Variants in TROAP observed in about 807,000 individuals in gnomAD.
TROAP encodes the protein trophinin associated protein.
A neutral mutation model predicts 83.4 loss-of-function variants in TROAP; 62 were observed. The observed-to-expected ratio is 0.74, with a 90% CI of 0.61 to 0.92. The LOEUF is 0.92. Ranked by LOEUF, TROAP falls within the 40% of genes least tolerant of loss-of-function variation. TROAP has a pLI of 0.00. For synonymous variants in TROAP, 352 were observed against 386.4 expected (o/e 0.91, Z 1.04); for missense variants, 876 against 985.1 (o/e 0.89, Z 1.48).
rs1222066630 is a variant in TROAP, at chr12:49,330,485, C to A, written c.1640C>A (p.Pro547His). The A allele has an allele frequency of 6.2e-7, 1 of 1,613,708 alleles. No individual in the cohort carries two copies. The highest frequency in any genetic ancestry group is 1.7e-5 in the Admixed American group (1 of 60,026). Residue 547 changes from proline to histidine, a missense_variant, in exon 13 of 15, where the codon CCC (proline) becomes CAC (histidine). Pro to His is a moderately conservative substitution (Grantham distance 77). Coordinates refer to ENST00000257909, the MANE Select transcript of TROAP (RefSeq NM_005480.4). ...CAGGAACAGCTTGAAGTACCAGAGC[C>A]CTACCCTCCAGCAGAACCCAGGCCC... ...SLQEQLEVPE[P>H]YPPAEPRPLE... is the part of the protein sequence containing the mutation.
chr12:49,329,190 C>T lies in TROAP; in HGVS notation c.1050C>T (p.Thr350=), dbSNP rs192574036. The change falls in exon 10 of 15, where the codon ACC becomes ACT. Residue 350 remains threonine (T), a synonymous_variant. Coordinates refer to ENST00000257909, the MANE Select transcript of TROAP (RefSeq NM_005480.4). This position sits in a 1 kb window ranked among gnomAD's most constrained non-coding sequence, Gnocchi z 4.5. ...CATATTCAGTGTTGCGGCGTCTCAC[C>T]GTTCAACCTAAAACCCGGTTCACAC... ...LTSYSVLRRL[T]VQPKTRFTPM... is the part of the protein sequence containing the mutation. 3.7e-5 allele frequency: 59 copies of T among 1,614,130 alleles called. No homozygotes were observed. The highest frequency in any genetic ancestry group is 4.6e-5 in the Non-Finnish European group (54 of 1,180,038).
In TROAP at chr12:49,329,064, C is replaced by A. The variant is rs769957841; in HGVS notation, c.1020+9C>A. 1.9e-6 allele frequency: 3 copies of A among 1,612,098 alleles called. No homozygotes were observed. Among genetic ancestry groups the A allele is most frequent in the Non-Finnish European group, 1.7e-6 (2 of 1,178,558 alleles). ...CAGGCCCTCCAACTCTGGTTTGTGT[C>A]AACAACTGGGGGCTGGGCAGGGGCA... is the stretch of plus-strand genomic sequence containing the variant. On this transcript the variant is annotated intron_variant, in intron 9 of 14. Transcript: ENST00000257909. This position sits in a 1 kb window ranked among gnomAD's most constrained non-coding sequence, Gnocchi z 4.5.
In TROAP at chr12:49,323,617, C is replaced by A. The variant is rs1943436824; in HGVS notation, c.9C>A (p.Thr3=). ...TCTCAATTGTAGCCATCATGACCACCCGGCAAGCCACGAAGGATCCCCTCC... is the reference window on the plus strand; with the variant it reads ...TCTCAATTGTAGCCATCATGACCACACGGCAAGCCACGAAGGATCCCCTCC... The part of the protein sequence containing the change: MT[T]RQATKDPLLR... The change falls in exon 2 of 15, where the codon ACC becomes ACA. Residue 3 remains threonine, a synonymous_variant. Transcript: ENST00000257909. The A allele has an allele frequency of 6.2e-7, 1 of 1,613,786 alleles. No individual in the cohort carries two copies. The highest frequency in any genetic ancestry group is 8.5e-7 in the Non-Finnish European group (1 of 1,179,932).
In TROAP at chr12:49,329,147, A is replaced by G. The variant is rs201015339; in HGVS notation, c.1021-14A>G. On this transcript the variant is annotated splice_polypyrimidine_tract_variant and intron_variant, in intron 9 of 14. Coordinates refer to ENST00000257909, the MANE Select transcript of TROAP (RefSeq NM_005480.4). This position sits in a 1 kb window ranked among gnomAD's most constrained non-coding sequence, Gnocchi z 4.5. ...GGGTTTTGTCCCTGCTCAGCCACCC[A>G]CATCTCTCCCCAGACCTCATATTCA... The G allele has an allele frequency of 1.9e-5, 31 of 1,614,094 alleles. No individual in the cohort carries two copies. In the African/African-American group the frequency reaches 3.7e-4, roughly 19 times the overall value.
intron 3 of TROAP, chr12:49,324,441 T>C: frequency 2.4e-6 from 1 of 417,946 alleles, no homozygotes; most frequent in South Asian, 5.0e-5. Flanking sequence ...CTCCTAATAC[T>C]TTGCAGCACT....
At chr12:49,328,380 C>T (rs903417309) in intron 8 of TROAP, among the ~76,000 whole-genome samples, 2 of 151,978 alleles carry the variant, frequency 1.3e-5, no homozygotes, top group African/African-American at 4.8e-5. Flanking sequence ...TGCACCACCA[C>T]GCCTGGCTAA....
In TROAP at chr12:49,327,252, A is replaced by G; in HGVS notation, c.813A>G (p.Ser271=). Residue 271 remains serine, a synonymous_variant, in exon 8 of 15, where the codon TCA becomes TCG. Coordinates refer to ENST00000257909, the MANE Select transcript of TROAP (RefSeq NM_005480.4). ...PKGEREVVTH[S]DEGGVASLGL... ...GAGAACGCGAGGTTGTCACTCACTC[A>G]GATGAAGGAGGTGTGGCCTCTCTTG... is the stretch of plus-strand genomic sequence containing the variant. 1 of 1,614,228 alleles carries G rather than the reference A, an allele frequency of 6.2e-7. No homozygotes were observed. The highest frequency in any genetic ancestry group is 8.5e-7 in the Non-Finnish European group (1 of 1,180,036).
At position 49,330,255 on chromosome 12, in the gene TROAP, C is replaced by T. The variant is rs780956994; in HGVS notation, c.1410C>T (p.Pro470=). The T allele has an allele frequency of 6.2e-7, 1 of 1,614,106 alleles. No homozygotes were observed. The highest frequency in any genetic ancestry group is 1.7e-5 in the Admixed American group (1 of 60,018). ...GSSLDMVELQ[P]LLTEISRTLN... ...CTCTGGATATGGTTGAACTTCAGCC[C>T]CTGCTGACTGAGATTTCTAGAACTC... The change falls in exon 13 of 15, where the codon CCC becomes CCT. Residue 470 remains proline (P), a synonymous_variant. Transcript: ENST00000257909.
rs374463047 is a variant in TROAP at position 49,326,736 on chromosome 12, G to A, written c.769+16G>A. ...GTCCAGCCTGGTAAGTGTTTCTGGC[G>A]TGGGGAGAGAACAGGGGCAGTTGGG... is the stretch of plus-strand genomic sequence containing the variant. On this transcript the variant is annotated intron_variant, in intron 7 of 14. Coordinates refer to ENST00000257909, the MANE Select transcript of TROAP (RefSeq NM_005480.4). 124 of 1,558,596 alleles carry A rather than the reference G, an allele frequency of 8.0e-5. No homozygotes were observed. The highest frequency in any genetic ancestry group is 7.6e-4 in the African/African-American group (56 of 73,372).
rs1473698122 is a variant in TROAP, at chr12:49,330,176, A to G, written c.1331A>G (p.Gln444Arg). The change falls in exon 13 of 15, where the codon CAG becomes CGG. Residue 444 changes from glutamine (Q) to arginine (R), a missense_variant. Around this residue, in one of 3 missense-constraint regions of TROAP, gnomAD observed 689 missense variants for 722.6 expected, o/e 0.95. Transcript: ENST00000257909. ...RIGILQQLLRQEVEGLVGGQC... is the reference protein window; with the variant it reads ...RIGILQQLLRREVEGLVGGQC... Reference sequence around the variant, plus strand: ...GGTATCCTGCAACAGCTGTTGAGACAGGAAGTAGAGGGGCTGGTAGGGGGC... The same window carrying G: ...GGTATCCTGCAACAGCTGTTGAGACGGGAAGTAGAGGGGCTGGTAGGGGGC... 3.1e-6 allele frequency: 5 copies of G among 1,613,868 alleles called. No homozygotes were observed. Among genetic ancestry groups the G allele is most frequent in the Non-Finnish European group, 4.2e-6 (5 of 1,179,914 alleles).
intron 14 of TROAP, 78 bp downstream of exon 14, chr12:49,331,485 C>T (rs1943583051): frequency 6.2e-7 from 1 of 1,611,444 alleles, no homozygotes; most frequent in Non-Finnish European, 8.5e-7. Flanking sequence ...CAGGGGGCCA[C>T]CTGGGCTTCT....
At chr12:49,328,803 G>T in intron 8 of TROAP, 124 bp from the exon 9 acceptor site, 2 of 1,332,798 alleles carry the variant, frequency 1.5e-6, no homozygotes, top group Admixed American at 5.3e-5. Flanking sequence ...TGCGGAGCTT[G>T]CAGTGAGCCA....
chr12:49,324,473 C>G (rs1741600584), intron 3 of TROAP: 1 of 331,962 alleles, frequency 3.0e-6, no homozygotes, highest in Admixed American at 4.4e-5. Flanking sequence ...ATGTATATAC[C>G]TTGGCTTGAG....
rs1256554453 is a variant in TROAP, at chr12:49,325,885, G to A, written c.633+1G>A. 4 of 1,612,634 alleles carry A rather than the reference G, an allele frequency of 2.5e-6. No homozygotes were observed. Among genetic ancestry groups the A allele is most frequent in the South Asian group, 1.1e-5 (1 of 90,990 alleles). On this transcript the variant is annotated splice_donor_variant, in intron 5 of 14. Transcript: ENST00000257909. LOFTEE classifies it high-confidence loss of function. ...GTGCCCCCAGAGGCTACAGGCTCTG[G>A]TGAGTGCCCTTGAGGGGCTGATAGT...
chr12:49,327,219 T>C lies in TROAP; in HGVS notation c.780T>C (p.Leu260=). The change falls in exon 8 of 15, where the codon CTT becomes CTC. Residue 260 remains leucine (L), a synonymous_variant. Coordinates refer to ENST00000257909, the MANE Select transcript of TROAP (RefSeq NM_005480.4). ...LETPVQPAFS[L]PKGEREVVTH... ...CCTGTTTCTTCCTAGCTTTCTCTCT[T>C]CCTAAAGGAGAACGCGAGGTTGTCA... The C allele has an allele frequency of 6.2e-7, 1 of 1,614,084 alleles. No individual in the cohort carries two copies. The highest frequency in any genetic ancestry group is 8.5e-7 in the Non-Finnish European group (1 of 1,179,978).
chr12:49,327,358 G>C (rs769445972), intron 8 of TROAP, 28 bp downstream of exon 8: 1 of 1,608,906 alleles, frequency 6.2e-7, no homozygotes, highest in Admixed American at 1.7e-5. Context: ...TGGGATGGTG[G>C]GTGGGAGGTG....
rs1179656326 is a variant in TROAP, at chr12:49,323,766, A to G, written c.144+14A>G. ...CAAGATCCAAGGGTAAGAGGGGCCT[A>G]ATGGGGGAAGACAGTAGTCACACCA... On this transcript the variant is annotated intron_variant, in intron 2 of 14. Transcript: ENST00000257909. 1 of 1,614,070 alleles carries G rather than the reference A, an allele frequency of 6.2e-7. No homozygotes were observed. The highest frequency in any genetic ancestry group is 8.5e-7 in the Non-Finnish European group (1 of 1,180,000).
intron 1 of TROAP, 28 bp from the exon 2 acceptor site, chr12:49,323,576 C>T (rs749273928): frequency 6.2e-7 from 1 of 1,607,118 alleles, no homozygotes; most frequent in Non-Finnish European, 8.5e-7. Flanking sequence ...TTAGATTCTG[C>T]CTGCCTTCTT....
At position 49,329,326 on chromosome 12, in the gene TROAP, C is replaced by A; in HGVS notation, c.1105-69C>A. 3.1e-6 allele frequency: 5 copies of A among 1,612,962 alleles called. No individual in the cohort carries two copies. Among genetic ancestry groups the A allele is most frequent in the Non-Finnish European group, 4.2e-6 (5 of 1,178,936 alleles). ...ATGGATGGGTACAGGAGAGAGAAGACAGAAGCAAGGGGAGGCTGAGTGCCA... is the reference window on the plus strand; with the variant it reads ...ATGGATGGGTACAGGAGAGAGAAGAAAGAAGCAAGGGGAGGCTGAGTGCCA... On this transcript the variant is annotated intron_variant, in intron 10 of 14. Coordinates refer to ENST00000257909, the MANE Select transcript of TROAP (RefSeq NM_005480.4). This position sits in a 1 kb window ranked among gnomAD's most constrained non-coding sequence, Gnocchi z 4.5.
Sources: allele counts gnomAD v4.1 joint callset (sites outside exome capture counted in the v4.1 genomes callset), GRCh38; gene constraint gnomAD v4.1.1; regional missense constraint gnomAD v4.1.1; non-coding constraint Gnocchi (gnomAD v3.1); transcripts MANE v1.5; gene names NCBI Gene and HGNC (gene_info 2026-07-23, HGNC 2026-07-21).